Variants in SOX6 observed in about 807,000 individuals in gnomAD.
SOX6 encodes the protein transcription factor SOX-6.
SOX6 carries 11 observed loss-of-function variants against 97.8 expected under a neutral mutation model. That is an observed-to-expected ratio of 0.11 (90% CI 0.07 to 0.19). The LOEUF (loss-of-function observed/expected upper bound fraction) is 0.19, where lower values mean the gene tolerates loss of function less well. SOX6 is among the 10% of genes least tolerant of loss of function. The pLI is 1.00. For synonymous variants in SOX6, 360 were observed against 371.4 expected, an observed-to-expected ratio of 0.97 and a Z score of 0.35; for missense variants, 810 against 1,039.5, an observed-to-expected ratio of 0.78 and a Z score of 3.04.
intron 4 of SOX6, among the ~76,000 whole-genome samples, chr11:16,191,451 T>G (rs1300036712): frequency 6.6e-6 from 1 of 152,022 alleles, no homozygotes; most frequent in Non-Finnish European, 1.5e-5. Flanking sequence ...GAAGAGACTA[T>G]CTCTCAAAAA....
chr11:16,432,235 C>T (rs1859285197), intron 1 of SOX6, among the ~76,000 whole-genome samples: 1 of 152,004 alleles, frequency 6.6e-6, no homozygotes. Flanking sequence ...AATATCTGCG[C>T]CCCACTGAGT....
At chr11:16,590,630 T>C (rs932244969) in intron 4 of SOX6, among the ~76,000 whole-genome samples, 2 of 152,064 alleles carry the variant, frequency 1.3e-5, no homozygotes, top group Non-Finnish European at 2.9e-5. Flanking sequence ...AAGAATGAGA[T>C]CCTGTCATTT....
chr11:16,519,636 A>G (rs1861026446), intron 4 of SOX6, among the ~76,000 whole-genome samples: 1 of 152,154 alleles, frequency 6.6e-6, no homozygotes, highest in Non-Finnish European at 1.5e-5. Context: ...AGTGACTGCC[A>G]TTTGTGAATA....
chr11:16,621,079 T>C (rs1378961564), intron 3 of SOX6, among the ~76,000 whole-genome samples: 1 of 152,208 alleles, frequency 6.6e-6, no homozygotes, highest in Non-Finnish European at 1.5e-5. Flanking sequence ...TCTACCAAGA[T>C]GAACAGTATT....
intron 4 of SOX6, among the ~76,000 whole-genome samples, chr11:16,222,315 C>T (rs2118361): frequency 0.48 from 72,565 of 151,880 alleles, 17,519 homozygotes; most frequent in South Asian, 0.61. Flanking sequence ...TGGGCTAAAA[C>T]GATCTGCCTG....
At chr11:16,528,538 A>G (rs548360048) in intron 4 of SOX6, among the ~76,000 whole-genome samples, 2 of 152,236 alleles carry the variant, frequency 1.3e-5, no homozygotes, top group East Asian at 3.9e-4. Context: ...ATAAGCATTA[A>G]CTTAACAGAT....
At chr11:16,671,408 G>T (rs1847846694) in intron 3 of SOX6, among the ~76,000 whole-genome samples, 1 of 152,208 alleles carries the variant, frequency 6.6e-6, no homozygotes, top group Non-Finnish European at 1.5e-5. Context: ...GCAATAAAGT[G>T]ATACAGGAGC....
At chr11:16,687,095 A>G (rs1420141299) in intron 3 of SOX6, among the ~76,000 whole-genome samples, 2 of 152,252 alleles carry the variant, frequency 1.3e-5, no homozygotes, top group African/African-American at 4.8e-5. Context: ...GATGCACTCC[A>G]GCCTGGACAA....
At chr11:16,697,757 G>T (rs1848064929) in intron 3 of SOX6, among the ~76,000 whole-genome samples, 1 of 152,240 alleles carries the variant, frequency 6.6e-6, no homozygotes, top group South Asian at 2.1e-4. Context: ...CAGAATGGAT[G>T]TTGTGTTAGC....
intron 3 of SOX6, among the ~76,000 whole-genome samples, chr11:16,272,297 C>A (rs758638149): frequency 5.3e-5 from 8 of 151,120 alleles, no homozygotes; most frequent in Non-Finnish European, 1.2e-4. Flanking sequence ...AACACAGAAA[C>A]CAAAAAAAGG....
chr11:16,577,797 T>C (rs191196532), intron 4 of SOX6, among the ~76,000 whole-genome samples: 1 of 152,324 alleles, frequency 6.6e-6, no homozygotes, highest in East Asian at 1.9e-4. Flanking sequence ...TGTTGAGTTG[T>C]AATAGTTCTT....
intron 4 of SOX6, among the ~76,000 whole-genome samples, chr11:16,588,298 C>T (rs555138095): frequency 3.0e-4 from 45 of 152,188 alleles, no homozygotes; most frequent in African/African-American, 1.0e-3. Context: ...CAATCACCAA[C>T]GAAAGAACTA....
chr11:16,305,177 G>C (rs1487318939), intron 3 of SOX6, among the ~76,000 whole-genome samples: 1 of 152,066 alleles, frequency 6.6e-6, no homozygotes, highest in Non-Finnish European at 1.5e-5. Flanking sequence ...ATCTATCATA[G>C]GACTAGTATT....
intron 4 of SOX6, among the ~76,000 whole-genome samples, chr11:16,533,911 CAAAT>C (rs778144891): frequency 1.3e-5 from 2 of 151,996 alleles, no homozygotes; most frequent in Non-Finnish European, 2.9e-5. Flanking sequence ...TTTTTGAAAA[CAAAT>C]AACACTACAT....
At chr11:16,066,545 A>C (rs998716692) in intron 9 of SOX6, among the ~76,000 whole-genome samples, 2 of 152,228 alleles carry the variant, frequency 1.3e-5, no homozygotes, top group Non-Finnish European at 2.9e-5. Flanking sequence ...TGTGGTACTT[A>C]TACACAGTGG....
intron 1 of SOX6, among the ~76,000 whole-genome samples, chr11:16,401,483 G>GT (rs1449297301): frequency 6.6e-6 from 1 of 151,444 alleles, no homozygotes; most frequent in Admixed American, 6.6e-5. Flanking sequence ...AGTTAGACAT[G>GT]TTTTTTTATA....
chr11:15,981,692 G>A (rs11023810), intron 15 of SOX6, among the ~76,000 whole-genome samples: 62,193 of 151,822 alleles, frequency 0.41, 12,929 homozygotes, highest in Admixed American at 0.44. Context: ...GTATTTTATA[G>A]GTGTCTTAAA....
At chr11:16,239,655 A>C (rs1484673070) in intron 3 of SOX6, among the ~76,000 whole-genome samples, 2 of 152,130 alleles carry the variant, frequency 1.3e-5, no homozygotes, top group East Asian at 3.9e-4. Context: ...CCAAGCAGCA[A>C]GAGAAAGCAT....
At chr11:16,440,624 A>G (rs1369294596) in intron 1 of SOX6, among the ~76,000 whole-genome samples, 1 of 152,192 alleles carries the variant, frequency 6.6e-6, no homozygotes, top group Non-Finnish European at 1.5e-5. Context: ...TACATTTCCT[A>G]CAATGCAAAA....
Sources: allele counts gnomAD v4.1 joint callset (sites outside exome capture counted in the v4.1 genomes callset), GRCh38; gene constraint gnomAD v4.1.1; transcripts MANE v1.5; gene names NCBI Gene and HGNC (gene_info 2026-07-23, HGNC 2026-07-21).